Variants in UCK2 observed in about 807,000 individuals in gnomAD.
UCK2 encodes uridine-cytidine kinase 2.
A neutral mutation model predicts 30.8 loss-of-function variants in UCK2; 6 were observed. The observed-to-expected ratio is 0.19, with a 90% CI of 0.11 to 0.38. The LOEUF (loss-of-function observed/expected upper bound fraction) is 0.38, where lower values mean the gene tolerates loss of function less well. Among genes scored for constraint, UCK2 ranks in the 10% least tolerant of loss-of-function variants. The pLI is 1.00. For missense variants in UCK2, 210 were observed against 339.8 expected (o/e 0.62, Z 3.00); for synonymous variants, 125 against 133.6 (o/e 0.94, Z 0.45).
chr1:165,842,435 TC>T (rs1281829768), intron 1 of UCK2, among the ~76,000 whole-genome samples: 1 of 152,166 alleles, frequency 6.6e-6, no homozygotes, highest in Non-Finnish European at 1.5e-5. Flanking sequence ...TGCCTCCTGT[TC>T]CTAGCCACAG....
rs181344751 is a variant in UCK2, at chr1:165,907,817, G to A, written c.780G>A (p.Pro260=). ...KRQASESSSR[P]H ...AGGCATCGGAGTCCAGCAGCAGGCC[G>A]CATTGACCCGTCTCCATCGGACCCC... Residue 260 remains proline, a synonymous_variant, in exon 7 of 7, where the codon CCG becomes CCA. Coordinates refer to ENST00000367879, the MANE Select transcript of UCK2 (RefSeq NM_012474.5). The A allele has an allele frequency of 3.7e-5, 60 of 1,613,972 alleles. No individual in the cohort carries two copies. In the East Asian group the frequency reaches 8.2e-4, roughly 22 times the overall value.
chr1:165,874,905 T>C (rs893664225), intron 1 of UCK2, among the ~76,000 whole-genome samples: 1 of 152,202 alleles, frequency 6.6e-6, no homozygotes, highest in African/African-American at 2.4e-5. Context: ...GTACATAATG[T>C]ATGAACACTA....
intron 1 of UCK2, among the ~76,000 whole-genome samples, chr1:165,837,305 T>C (rs1476433978): frequency 6.6e-6 from 1 of 152,230 alleles, no homozygotes; most frequent in African/African-American, 2.4e-5. Context: ...GACAGTTCTG[T>C]AACTAGCCTT....
intron 1 of UCK2, among the ~76,000 whole-genome samples, chr1:165,831,442 A>T (rs1012215469): frequency 6.6e-6 from 1 of 152,214 alleles, no homozygotes; most frequent in Non-Finnish European, 1.5e-5. Flanking sequence ...TAATAACACT[A>T]AAAGGTGGAA....
At chr1:165,886,465 T>C (rs1316414682) in intron 1 of UCK2, among the ~76,000 whole-genome samples, 3 of 152,092 alleles carry the variant, frequency 2.0e-5, no homozygotes, top group South Asian at 2.1e-4. Context: ...CTAGATAATT[T>C]CTGAATTTGT....
chr1:165,843,344 T>G (rs1309140132), intron 1 of UCK2, among the ~76,000 whole-genome samples: 1 of 152,196 alleles, frequency 6.6e-6, no homozygotes, highest in African/African-American at 2.4e-5. Flanking sequence ...TGTATAGTTT[T>G]GGGAAAAGTC....
chr1:165,834,257 T>G (rs932834544), intron 1 of UCK2, among the ~76,000 whole-genome samples: 23 of 152,190 alleles, frequency 1.5e-4, no homozygotes, highest in Non-Finnish European at 3.2e-4. Flanking sequence ...GTCATCATTT[T>G]GTAGTACTTA....
intron 1 of UCK2, among the ~76,000 whole-genome samples, chr1:165,879,889 G>A (rs1655440162): frequency 2.6e-5 from 4 of 152,178 alleles, no homozygotes; most frequent in Admixed American, 2.6e-4. Flanking sequence ...GGAAGTGGGT[G>A]CTTGGCATTG....
intron 1 of UCK2, among the ~76,000 whole-genome samples, chr1:165,831,104 C>T (rs1654035338): frequency 6.6e-6 from 1 of 151,116 alleles, no homozygotes; most frequent in South Asian, 2.1e-4. Context: ...CAAGACCTGT[C>T]TCGAACAAAA....
chr1:165,894,622 A>T (rs1178213915), intron 3 of UCK2: 1 of 152,142 alleles, frequency 6.6e-6, no homozygotes, highest in Non-Finnish European at 1.5e-5. Context: ...TCTGATATGC[A>T]TCTCAGATAC....
chr1:165,866,857 C>T lies in UCK2; in HGVS notation c.100-23347C>T, dbSNP rs116943683. 5.5e-4 allele frequency among the ~76,000 whole-genome samples: 84 copies of T among 152,282 alleles called. No homozygotes were observed. The East Asian group carries it at 7.1e-3, about 13-fold the overall frequency. ...TGTCAGAATTGTCTTTTTAAGGCTACGTATCATTGTATGTATATATCAATT... is the reference window on the plus strand; with the variant it reads ...TGTCAGAATTGTCTTTTTAAGGCTATGTATCATTGTATGTATATATCAATT... On this transcript the variant is annotated intron_variant, in intron 1 of 6. Coordinates refer to ENST00000367879, the MANE Select transcript of UCK2 (RefSeq NM_012474.5).
intron 1 of UCK2, among the ~76,000 whole-genome samples, chr1:165,878,170 C>T (rs1236090658): frequency 1.3e-5 from 2 of 152,162 alleles, no homozygotes; most frequent in African/African-American, 2.4e-5. Context: ...CTGGCAACCA[C>T]TGATCTTTTT....
chr1:165,902,080 C>A (rs1304129079), intron 4 of UCK2, among the ~76,000 whole-genome samples: 1 of 151,436 alleles, frequency 6.6e-6, no homozygotes, highest in Non-Finnish European at 1.5e-5. Flanking sequence ...ACTAAAAATA[C>A]AAAAAATTAG....
intron 1 of UCK2, among the ~76,000 whole-genome samples, chr1:165,867,415 C>A (rs997057366): frequency 6.6e-6 from 1 of 152,078 alleles, no homozygotes; most frequent in Non-Finnish European, 1.5e-5. Flanking sequence ...AAACTTCTTT[C>A]AAAGTGGGAG....
At chr1:165,864,893 G>C (rs1481884681) in intron 1 of UCK2, among the ~76,000 whole-genome samples, 1 of 151,902 alleles carries the variant, frequency 6.6e-6, no homozygotes, top group African/African-American at 2.4e-5. Flanking sequence ...TCAATGTGTT[G>C]CCCAGGTTGG....
intron 1 of UCK2, among the ~76,000 whole-genome samples, chr1:165,888,961 G>A (rs573508915): frequency 2.3e-4 from 35 of 152,142 alleles, no homozygotes; most frequent in African/African-American, 7.7e-4. Flanking sequence ...TTCCTTTTAC[G>A]AAGAGTATAT....
intron 1 of UCK2, among the ~76,000 whole-genome samples, chr1:165,879,836 A>G (rs1485948179): frequency 6.6e-6 from 1 of 152,182 alleles, no homozygotes; most frequent in Non-Finnish European, 1.5e-5. Flanking sequence ...ATAAATAATA[A>G]GATTAGTTTT....
At chr1:165,902,414 AAAAGAAAAAAAAATTTTTT>A (rs1360935478) in intron 4 of UCK2, among the ~76,000 whole-genome samples, 16 of 151,208 alleles carry the variant, frequency 1.1e-4, no homozygotes, top group Non-Finnish European at 2.1e-4. Context: ...ACCTTGTATT[AAAAGAAAAAAAAATTTTTT>A]AAAGAAAAAA....
intron 1 of UCK2, among the ~76,000 whole-genome samples, chr1:165,872,307 T>A (rs1215469352): frequency 6.6e-6 from 1 of 152,200 alleles, no homozygotes; most frequent in African/African-American, 2.4e-5. Flanking sequence ...ACTCCTGATG[T>A]CAAGTGATCT....
Sources: gnomAD v4.1 joint callset for allele counts (sites outside exome capture counted in the v4.1 genomes callset) on GRCh38, gnomAD v4.1.1 for gene constraint, MANE v1.5 for transcripts, NCBI Gene and HGNC (gene_info 2026-07-23, HGNC 2026-07-21) for gene names.